DCBLD1: variants seen among roughly 807,000 people sequenced by gnomAD.
DCBLD1 encodes discoidin, CUB and LCCL domain containing 1, also known as discoidin, CUB and LCCL domain-containing protein 1.
DCBLD1 carries 57 observed loss-of-function variants against 71.5 expected under a neutral mutation model. The ratio of observed to expected loss-of-function variants is 0.80; its 90% CI spans 0.64 to 0.99. DCBLD1 has a LOEUF of 0.99. Among genes scored for constraint, DCBLD1 ranks in the 50% least tolerant of loss-of-function variants. The pLI is 0.00. For synonymous variants in DCBLD1, 380 were observed against 363.8 expected, an observed-to-expected ratio of 1.04 and a Z score of -0.51; for missense variants, 891 against 923.5, an observed-to-expected ratio of 0.96 and a Z score of 0.46.
chr6:117,502,281 T>A (rs955357160), intron 1 of DCBLD1, among the ~76,000 whole-genome samples: 2 of 152,276 alleles, frequency 1.3e-5, no homozygotes, highest in Admixed American at 1.3e-4. Context: ...CTGTCTAAAG[T>A]TCCCCCCGGC....
rs929059 is a variant in DCBLD1, at chr6:117,548,261, G to A, written c.1970G>A (p.Ser657Asn). 177,791 of 1,550,584 alleles carry A rather than the reference G, an allele frequency of 0.11. 10,801 individuals carry two copies. The highest frequency in any genetic ancestry group is 0.13 in the Middle Eastern group (791 of 5,992). Residue 657 changes from serine (S) to asparagine (N), a missense_variant, in exon 15 of 15, where the codon AGC becomes AAC. Transcript: ENST00000338728. ...GACGGAGACTATCAAAGGCCACACAGCGCACAGCCTGCGGACAGGGGCTAC... is the reference window on the plus strand; with the variant it reads ...GACGGAGACTATCAAAGGCCACACAACGCACAGCCTGCGGACAGGGGCTAC... ...AQDGDYQRPH[S>N]AQPADRGYDR...
chr6:117,559,805 A>T (rs1562133138), intron 14 of DCBLD1, among the ~76,000 whole-genome samples: 1 of 152,226 alleles, frequency 6.6e-6, no homozygotes, highest in Non-Finnish European at 1.5e-5. Flanking sequence ...TGACCAAAAA[A>T]AAATTCATAA....
At chr6:117,503,345 AC>A (rs1777726873) in intron 1 of DCBLD1, among the ~76,000 whole-genome samples, 1 of 152,250 alleles carries the variant, frequency 6.6e-6, no homozygotes, top group South Asian at 2.1e-4. Flanking sequence ...CATTTTCTGT[AC>A]ATTATCTCAT....
chr6:117,506,416 C>G (rs1777845697), intron 2 of DCBLD1, among the ~76,000 whole-genome samples: 1 of 152,200 alleles, frequency 6.6e-6, no homozygotes, highest in South Asian at 2.1e-4. Flanking sequence ...TTACATTATA[C>G]AGCAATTTCG....
chr6:117,501,104 G>A (rs893968697), intron 1 of DCBLD1, among the ~76,000 whole-genome samples: 1 of 152,116 alleles, frequency 6.6e-6, no homozygotes, highest in African/African-American at 2.4e-5. Flanking sequence ...GGCTTGGAGA[G>A]GTTGTGTTGT....
chr6:117,486,823 GC>G lies in DCBLD1; in HGVS notation c.112+3933del, dbSNP rs550644610. 8.4e-4 allele frequency among the ~76,000 whole-genome samples: 128 copies of G among 152,308 alleles called. 1 individual carries two copies. The South Asian group carries it at 9.3e-3, about 11-fold the overall frequency. The stretch of plus-strand genomic sequence containing the variant: ...GGCTGCAGACTGGTACCTGTCACTG[GC>G]CCGTTAGGAGCCGGGCCACACAGCA... On this transcript the variant is annotated intron_variant, in intron 1 of 14. Transcript: ENST00000338728.
At chr6:117,569,425 G>A (rs992222260) in intron 14 of DCBLD1, 21 of 1,107,016 alleles carry the variant, frequency 1.9e-5, no homozygotes, top group Non-Finnish European at 2.6e-5. Context: ...CTGACTGAAT[G>A]TCAGCTATAA....
chr6:117,566,921 C>T (rs1168987095), intron 14 of DCBLD1: 4 of 1,610,766 alleles, frequency 2.5e-6, no homozygotes, highest in Admixed American at 3.4e-5. Context: ...CTCCTTCTAA[C>T]TCATCAAGGT....
At chr6:117,528,098 G>A (rs955843066) in intron 5 of DCBLD1, among the ~76,000 whole-genome samples, 8 of 152,164 alleles carry the variant, frequency 5.3e-5, no homozygotes, top group East Asian at 1.9e-4. Flanking sequence ...CATGTAGTGC[G>A]CTGCAGTTTA....
In DCBLD1 at chr6:117,545,525, GA is replaced by G. The variant is rs779223038; in HGVS notation, c.1544del (p.Glu515GlyfsTer12). On this transcript the variant is annotated frameshift_variant, in exon 14 of 15. Transcript: ENST00000338728. LOFTEE classifies it high-confidence loss of function. ...KYPFARHQSAEFTISYDNEKE... is the reference protein window; with the variant it reads ...KYPFARHQSAXFTISYDNEKE... ...TCCCTTTGCCAGACATCAGTCAGCT[GA>G]GTTTACCATCAGCTATGATAATGAG... is the stretch of plus-strand genomic sequence containing the variant. The G allele has an allele frequency of 1.4e-5, 23 of 1,614,180 alleles. No homozygotes were observed. The highest frequency in any genetic ancestry group is 1.9e-5 in the Non-Finnish European group (23 of 1,180,028).
chr6:117,504,805 TTACA>T (rs1024557230), intron 2 of DCBLD1, among the ~76,000 whole-genome samples: 1 of 152,204 alleles, frequency 6.6e-6, no homozygotes, highest in African/African-American at 2.4e-5. Context: ...TAACAAAATC[TTACA>T]TACATTCTTT....
chr6:117,559,167 T>C (rs1477533830), intron 14 of DCBLD1, among the ~76,000 whole-genome samples: 3 of 152,196 alleles, frequency 2.0e-5, no homozygotes, highest in Non-Finnish European at 4.4e-5. Flanking sequence ...TCACTCATGG[T>C]CACTTGTGTT....
At chr6:117,520,943 A>T (rs1052126125) in intron 3 of DCBLD1, among the ~76,000 whole-genome samples, 3 of 152,262 alleles carry the variant, frequency 2.0e-5, no homozygotes, top group African/African-American at 4.8e-5. Context: ...ATGTTGATCT[A>T]AATGCATCAA....
At chr6:117,495,825 TC>T (rs1777450152) in intron 1 of DCBLD1, among the ~76,000 whole-genome samples, 1 of 152,258 alleles carries the variant, frequency 6.6e-6, no homozygotes, top group African/African-American at 2.4e-5. Context: ...GAGATTTTTT[TC>T]CTTTGGCAGC....
downstream of DCBLD1, among the ~76,000 whole-genome samples, chr6:117,550,755 C>T (rs1779414311): frequency 6.6e-6 from 1 of 152,210 alleles, no homozygotes; most frequent in Non-Finnish European, 1.5e-5. Flanking sequence ...TCTGACCAGT[C>T]ACAGCAGTCC....
At chr6:117,566,489 T>G (rs143982461) in intron 14 of DCBLD1, among the ~76,000 whole-genome samples, 117 of 152,288 alleles carry the variant, frequency 7.7e-4, no homozygotes, top group Non-Finnish European at 1.2e-3. Context: ...AGCTTAAAAT[T>G]CATTGTGAGA....
chr6:117,546,122 A>G (rs1215336170), intron 14 of DCBLD1, among the ~76,000 whole-genome samples: 2 of 152,356 alleles, frequency 1.3e-5, no homozygotes, highest in South Asian at 2.1e-4. Context: ...AATGCAATAT[A>G]AAATACTAGT....
At chr6:117,542,333 C>A (rs761504127) in intron 11 of DCBLD1, among the ~76,000 whole-genome samples, 4 of 151,734 alleles carry the variant, frequency 2.6e-5, no homozygotes, top group Non-Finnish European at 5.9e-5. Context: ...AATAACACTT[C>A]TGTTACTTAT....
chr6:117,513,633 G>T (rs1778094710), intron 2 of DCBLD1, among the ~76,000 whole-genome samples: 1 of 152,226 alleles, frequency 6.6e-6, no homozygotes, highest in South Asian at 2.1e-4. Context: ...ATAGTAGGAA[G>T]TTAGGTGGCA....
Sources: allele counts gnomAD v4.1 joint callset (sites outside exome capture counted in the v4.1 genomes callset), GRCh38; gene constraint gnomAD v4.1.1; transcripts MANE v1.5; gene names NCBI Gene and HGNC (gene_info 2026-07-23, HGNC 2026-07-21).